The following OR2C1 variants were observed in gnomAD, a reference collection of about 807,000 sequenced individuals.
The protein encoded by OR2C1 is olfactory receptor family 2 subfamily C member 1.
For missense variants in OR2C1, 468 were observed against 388.3 expected (o/e 1.21, Z -1.73); for synonymous variants, 209 against 167.3 (o/e 1.25, Z -1.92).
the OR2C1 span, among the ~76,000 whole-genome samples, chr16:3,343,083 G>A: frequency 1.3e-5 from 2 of 152,124 alleles, no homozygotes; most frequent in Non-Finnish European, 2.9e-5. Flanking sequence ...GAGGGCAGGA[G>A]GTAGGTGGGT....
chr16:3,350,182 A>G, the OR2C1 span, among the ~76,000 whole-genome samples: 1 of 145,780 alleles, frequency 6.9e-6, no homozygotes, highest in Non-Finnish European at 1.5e-5. Context: ...CAACCTCCCA[A>G]GCAGCTGGAA....
the OR2C1 span, among the ~76,000 whole-genome samples, chr16:3,346,924 C>A: frequency 6.6e-6 from 1 of 150,810 alleles, no homozygotes; most frequent in Non-Finnish European, 1.5e-5. Context: ...AAGCCACCAC[C>A]CCTGGCCTCC....
chr16:3,355,463 A>AC (rs1250519521), upstream of OR2C1, among the ~76,000 whole-genome samples: 3 of 142,870 alleles, frequency 2.1e-5, no homozygotes, highest in East Asian at 2.0e-4. Context: ...GTCTCAAAAA[A>AC]AAAAAAAAAG....
At chr16:3,325,345 G>A in the OR2C1 span, among the ~76,000 whole-genome samples, 1 of 151,358 alleles carries the variant, frequency 6.6e-6, no homozygotes, top group Non-Finnish European at 1.5e-5. Context: ...TCTCAAACTC[G>A]TGGGCTTAAG....
At chr16:3,323,315 C>T in the OR2C1 span, 1 of 1,066,540 alleles carries the variant, frequency 9.4e-7, no homozygotes, top group Non-Finnish European at 1.4e-6. Flanking sequence ...GGCAAAAGAA[C>T]CATGAGATCT....
the OR2C1 span, among the ~76,000 whole-genome samples, chr16:3,329,889 G>A: frequency 1.3e-5 from 2 of 149,972 alleles, no homozygotes; most frequent in Non-Finnish European, 3.0e-5. Context: ...TGAGTAGCTG[G>A]GATTACAGGT....
the OR2C1 span, among the ~76,000 whole-genome samples, chr16:3,330,550 T>C: frequency 6.6e-6 from 1 of 152,222 alleles, no homozygotes. Context: ...GAGTTTTACA[T>C]AGGTAACTTT....
In OR2C1 at chr16:3,356,973, C is replaced by T. The variant is rs983245578; in HGVS notation, c.*94C>T. ...AGGTGAACATGAGGAATACTAATTC[C>T]GGTAAAACCAAGGCATGTTCCTGAC... On this transcript the variant is annotated 3_prime_UTR_variant, in exon 1 of 1. Transcript: ENST00000304936. The T allele has an allele frequency of 8.0e-6, 9 of 1,126,562 alleles. No homozygotes were observed. Among genetic ancestry groups the T allele is most frequent in the South Asian group, 3.3e-5 (2 of 61,086 alleles). The allele number at this position is 1,126,562 out of a possible 1,614,324, so 69.8% of individuals were successfully genotyped here.
the OR2C1 span, among the ~76,000 whole-genome samples, chr16:3,331,090 G>A: frequency 6.6e-6 from 1 of 152,160 alleles, no homozygotes; most frequent in South Asian, 2.1e-4. Context: ...TAACTGGTGT[G>A]AGATGGTATC....
chr16:3,353,427 G>A (rs1372087278), upstream of OR2C1, among the ~76,000 whole-genome samples: 1 of 147,234 alleles, frequency 6.8e-6, no homozygotes, highest in Non-Finnish European at 1.5e-5. Flanking sequence ...GGAGGTGGAG[G>A]TTGCAGTGAG....
the OR2C1 span, chr16:3,322,949 C>T: frequency 1.9e-5 from 19 of 984,932 alleles, no homozygotes; most frequent in South Asian, 5.2e-4. Context: ...CTACTTCCGC[C>T]GACAAGGAGG....
the OR2C1 span, among the ~76,000 whole-genome samples, chr16:3,332,796 G>A: frequency 4.7e-3 from 704 of 151,322 alleles, 5 homozygotes; most frequent in Non-Finnish European, 8.2e-3. Context: ...CGCTTAGGTC[G>A]GTTTCACATT....
At chr16:3,327,513 A>G in the OR2C1 span, among the ~76,000 whole-genome samples, 4 of 151,924 alleles carry the variant, frequency 2.6e-5, no homozygotes, top group Non-Finnish European at 5.9e-5. Flanking sequence ...ATGGCTTTGT[A>G]AGAAGACCCT....
At chr16:3,348,176 C>T in the OR2C1 span, among the ~76,000 whole-genome samples, 26 of 152,040 alleles carry the variant, frequency 1.7e-4, no homozygotes, top group African/African-American at 5.3e-4. Flanking sequence ...AGACCAAATG[C>T]GTTAGATGCC....
At chr16:3,345,786 TTCTTTCTC>T in the OR2C1 span, among the ~76,000 whole-genome samples, 1 of 150,710 alleles carries the variant, frequency 6.6e-6, no homozygotes, top group African/African-American at 2.4e-5. Flanking sequence ...TCTTTCTTTT[TTCTTTCTC>T]TCTTTCTCTT....
At chr16:3,350,976 G>A (rs1478791254), upstream of OR2C1, among the ~76,000 whole-genome samples, 1 of 149,244 alleles carries the variant, frequency 6.7e-6, no homozygotes. Context: ...GGGAGGTTGA[G>A]GCTGCAGTGA....
chr16:3,356,776 C>G lies in OR2C1; in HGVS notation c.836C>G (p.Ser279Trp). 2.5e-6 allele frequency: 4 copies of G among 1,614,122 alleles called. No individual in the cohort carries two copies. The highest frequency in any genetic ancestry group is 3.4e-6 in the Non-Finnish European group (4 of 1,180,034). Residue 279 changes from serine to tryptophan, a missense_variant, in exon 1 of 1, where the codon TCG becomes TGG. Physicochemically the swap from Ser to Trp is radical, Grantham distance 177. Coordinates refer to ENST00000304936, the MANE Select transcript of OR2C1 (RefSeq NM_012368.3). ...GGCAAGTTCATTTCCCTGTTCTACTCGTTGGTCACACCCATGGTGAATCCC... is the reference window on the plus strand; with the variant it reads ...GGCAAGTTCATTTCCCTGTTCTACTGGTTGGTCACACCCATGGTGAATCCC... The part of the protein sequence containing the change: ...DQGKFISLFY[S>W]LVTPMVNPLI...
the OR2C1 span, among the ~76,000 whole-genome samples, chr16:3,335,520 C>CTTTTTTT: frequency 7.9e-4 from 44 of 55,428 alleles, no homozygotes; most frequent in East Asian, 1.4e-3. Flanking sequence ...AATGCTACTG[C>CTTTTTTT]TTTTTTTTTT....
At chr16:3,327,348 A>G in the OR2C1 span, among the ~76,000 whole-genome samples, 1 of 152,098 alleles carries the variant, frequency 6.6e-6, no homozygotes, top group East Asian at 1.9e-4. Context: ...GTAAGAGATA[A>G]TTCTTGACAA....
Sources: gnomAD v4.1 joint callset for allele counts (sites outside exome capture counted in the v4.1 genomes callset) on GRCh38, gnomAD v4.1.1 for gene constraint, MANE v1.5 for transcripts, NCBI Gene and HGNC (gene_info 2026-07-23, HGNC 2026-07-21) for gene names.